The following CDH8 variants were observed in gnomAD, a reference collection of about 807,000 sequenced individuals.
CDH8 encodes the protein cadherin 8, also known as cadherin-8.
In CDH8, 17 loss-of-function variants were observed where a neutral mutation model predicts 68.1. The observed-to-expected ratio is 0.25, with a 90% CI of 0.17 to 0.37. The LOEUF is 0.37. CDH8 is among the 10% of genes least tolerant of loss of function. The probability of loss-of-function intolerance (pLI) is 1.00; values close to 1 mark genes in which losing one functional copy is unlikely to be tolerated. For missense variants in CDH8, 763 were observed against 999.3 expected (o/e 0.76, Z 3.19); for synonymous variants, 372 against 365.1 (o/e 1.02, Z -0.21).
At chr16:61,780,983 A>G (rs939793292) in intron 8 of CDH8, among the ~76,000 whole-genome samples, 2 of 152,238 alleles carry the variant, frequency 1.3e-5, no homozygotes, top group Admixed American at 1.3e-4. Flanking sequence ...TCAAACAAAG[A>G]CAGATTTTTA....
In CDH8 at chr16:62,034,557, G is replaced by C. The variant is rs141868573; in HGVS notation, c.-200+1523C>G. The stretch of plus-strand genomic sequence containing the variant: ...GATCTGCTTTGCGATGGTACCGGAT[G>C]CGAGAGGACAGTACTCTCGCTTACC... On this transcript the variant is annotated intron_variant, in intron 1 of 11. Coordinates refer to ENST00000577390, the MANE Select transcript of CDH8 (RefSeq NM_001796.5). Among the ~76,000 whole-genome samples the C allele has an allele frequency of 5.4e-3, 829 of 152,230 alleles. 5 individuals are homozygous for C. Among genetic ancestry groups the C allele is most frequent in the Middle Eastern group, 0.01 (3 of 294 alleles).
At chr16:61,995,316 T>G (rs1284977480) in intron 2 of CDH8, among the ~76,000 whole-genome samples, 1 of 152,130 alleles carries the variant, frequency 6.6e-6, no homozygotes, top group Admixed American at 6.5e-5. Context: ...CAAAAGATCA[T>G]CTAATTCTCA....
chr16:61,909,910 T>G (rs1475218509), intron 2 of CDH8, among the ~76,000 whole-genome samples: 1 of 152,192 alleles, frequency 6.6e-6, no homozygotes, highest in South Asian at 2.1e-4. Flanking sequence ...CCCAAGCCAG[T>G]GTTCATGGCC....
chr16:61,845,192 C>G (rs1962776993), intron 4 of CDH8, among the ~76,000 whole-genome samples: 1 of 152,070 alleles, frequency 6.6e-6, no homozygotes, highest in African/African-American at 2.4e-5. Flanking sequence ...AATTTATACT[C>G]TGCTGAGAGT....
intron 8 of CDH8, among the ~76,000 whole-genome samples, chr16:61,733,190 T>C (rs1959582822): frequency 6.6e-6 from 1 of 151,854 alleles, no homozygotes; most frequent in Non-Finnish European, 1.5e-5. Context: ...TGAATTAAGA[T>C]GATATACATC....
chr16:61,932,113 A>T (rs936534598), intron 2 of CDH8, among the ~76,000 whole-genome samples: 2 of 151,568 alleles, frequency 1.3e-5, no homozygotes, highest in Non-Finnish European at 2.9e-5. Flanking sequence ...AAGCTGAGGC[A>T]GGAGAATGGC....
Position 61,980,270 on chromosome 16 carries a change from C to A in CDH8, c.252+40882G>T, listed in dbSNP as rs140867608. ...TTCAGGGATTCCAAATATGGGACTA[C>A]AAATTAAATTCAAAATCTCTGTGCC... On this transcript the variant is annotated intron_variant, in intron 2 of 11. Transcript: ENST00000577390. Among the ~76,000 whole-genome samples the A allele has an allele frequency of 6.0e-4, 92 of 152,260 alleles. No individual in the cohort carries two copies. In the South Asian group the frequency reaches 0.012, roughly 20 times the overall value.
chr16:61,846,200 C>A (rs1188434717), intron 4 of CDH8, among the ~76,000 whole-genome samples: 1 of 152,128 alleles, frequency 6.6e-6, no homozygotes, highest in East Asian at 1.9e-4. Flanking sequence ...TAAGTTTCCA[C>A]TTCCCTTTCA....
At chr16:61,700,324 A>G (rs1964399891) in intron 10 of CDH8, among the ~76,000 whole-genome samples, 1 of 147,598 alleles carries the variant, frequency 6.8e-6, no homozygotes, top group African/African-American at 2.5e-5. Context: ...TCTGTCGCCC[A>G]GGCTGGAGTG....
chr16:61,830,048 C>A (rs1394071316), intron 4 of CDH8, among the ~76,000 whole-genome samples: 1 of 151,774 alleles, frequency 6.6e-6, no homozygotes, highest in East Asian at 1.9e-4. Context: ...TGACAAGCTC[C>A]AAAAATAGAA....
chr16:61,832,331 A>AACAGATAG (rs1555513533), intron 4 of CDH8, among the ~76,000 whole-genome samples: 1 of 143,082 alleles, frequency 7.0e-6, no homozygotes, highest in Non-Finnish European at 1.5e-5. Flanking sequence ...ACAGATAGAT[A>AACAGATAG]ATAGATAGAT....
At chr16:61,966,443 C>T (rs1965253751) in intron 2 of CDH8, among the ~76,000 whole-genome samples, 1 of 151,960 alleles carries the variant, frequency 6.6e-6, no homozygotes, top group Non-Finnish European at 1.5e-5. Context: ...GAGGCTGAGG[C>T]AGGAGAATTG....
chr16:61,721,270 A>G (rs1007492472), intron 9 of CDH8, among the ~76,000 whole-genome samples: 1 of 150,994 alleles, frequency 6.6e-6, no homozygotes, highest in Admixed American at 6.6e-5. Context: ...TCCACCCAAA[A>G]TAAAGTGAAA....
chr16:61,814,694 C>G (rs1962034085), intron 7 of CDH8, among the ~76,000 whole-genome samples: 1 of 152,096 alleles, frequency 6.6e-6, no homozygotes, highest in African/African-American at 2.4e-5. Context: ...CTATGTGTTA[C>G]CCAATAATTC....
At chr16:61,982,165 A>C (rs1965543375) in intron 2 of CDH8, among the ~76,000 whole-genome samples, 5 of 152,108 alleles carry the variant, frequency 3.3e-5, no homozygotes, top group Admixed American at 3.3e-4. Context: ...CTTCGAACTC[A>C]TATTCCCTGA....
In CDH8 at chr16:61,765,937, C is replaced by T. The variant is rs1025870544; in HGVS notation, c.1414+23409G>A. On this transcript the variant is annotated intron_variant, in intron 8 of 11. Transcript: ENST00000577390. ...ATTCCACCAGGTGCTAGCTCAGTGA[C>T]CTTGAGGTAACCATTTCCTCTCTGC... 5.9e-5 allele frequency among the ~76,000 whole-genome samples: 9 copies of T among 151,942 alleles called. No individual in the cohort carries two copies. In the South Asian group the frequency reaches 1.9e-3, roughly 32 times the overall value.
intron 2 of CDH8, among the ~76,000 whole-genome samples, chr16:61,935,449 A>G (rs1336247426): frequency 2.0e-5 from 3 of 152,180 alleles, no homozygotes; most frequent in Non-Finnish European, 2.9e-5. Context: ...AATATCTACA[A>G]CTGTTTCTGG....
chr16:61,968,724 T>C (rs1335313385), intron 2 of CDH8, among the ~76,000 whole-genome samples: 1 of 152,206 alleles, frequency 6.6e-6, no homozygotes, highest in Non-Finnish European at 1.5e-5. Flanking sequence ...GTTAAAAACC[T>C]GTTTCTGTCA....
intron 10 of CDH8, among the ~76,000 whole-genome samples, chr16:61,703,106 T>A (rs1044440423): frequency 6.6e-6 from 1 of 152,170 alleles, no homozygotes; most frequent in Non-Finnish European, 1.5e-5. Flanking sequence ...TAAACATGCT[T>A]CCTAATTTAT....
Sources: allele counts gnomAD v4.1 joint callset (sites outside exome capture counted in the v4.1 genomes callset), GRCh38; gene constraint gnomAD v4.1.1; transcripts MANE v1.5; gene names NCBI Gene and HGNC (gene_info 2026-07-23, HGNC 2026-07-21).